IFT88: variants seen among roughly 807,000 people sequenced by gnomAD.
IFT88 encodes intraflagellar transport 88.
In IFT88, 74 loss-of-function variants were observed where a neutral mutation model predicts 119.5. That is an observed-to-expected ratio of 0.62 (90% CI 0.51 to 0.75). The LOEUF (loss-of-function observed/expected upper bound fraction) is 0.75. Among genes scored for constraint, IFT88 ranks in the 30% least tolerant of loss-of-function variants. IFT88 has a pLI of 0.00. For missense variants in IFT88, 961 were observed against 977.7 expected (o/e 0.98, Z 0.23); for synonymous variants, 279 against 316.7 (o/e 0.88, Z 1.26).
At chr13:20,607,304 A>G (rs2139341050) in intron 13 of IFT88, 1 of 456,994 alleles carries the variant, frequency 2.2e-6, no homozygotes, top group Admixed American at 2.7e-5. Context: ...CACCTTCGGC[A>G]AGTACTTCGC....
chr13:20,667,972 A>G (rs967879562), intron 23 of IFT88, among the ~76,000 whole-genome samples: 1 of 151,984 alleles, frequency 6.6e-6, no homozygotes, highest in African/African-American at 2.4e-5. Context: ...CCTCACTAAG[A>G]TTAGTCACTT....
chr13:20,620,715 G>A (rs1174080031), intron 14 of IFT88, among the ~76,000 whole-genome samples: 2 of 151,994 alleles, frequency 1.3e-5, no homozygotes, highest in Non-Finnish European at 1.5e-5. Flanking sequence ...ACAGGCGCCT[G>A]CCACCACGCC....
At chr13:20,652,905 T>G (rs985226607) in intron 20 of IFT88, among the ~76,000 whole-genome samples, 13 of 152,194 alleles carry the variant, frequency 8.5e-5, no homozygotes, top group African/African-American at 3.1e-4. Flanking sequence ...GTCTAGCAAA[T>G]GCAGGGGATA....
At chr13:20,627,922 A>G (rs2047610155) in intron 15 of IFT88, among the ~76,000 whole-genome samples, 1 of 152,100 alleles carries the variant, frequency 6.6e-6, no homozygotes, top group Non-Finnish European at 1.5e-5. Flanking sequence ...TCAAGTTTTT[A>G]ATATCAATTG....
In IFT88 at chr13:20,597,177, T is replaced by C. The variant is rs1453371208; in HGVS notation, c.594+58T>C. 4.8e-6 allele frequency: 4 copies of C among 826,168 alleles called. No homozygotes were observed. The East Asian group carries it at 1.1e-4, about 23-fold the overall frequency. 51.2% of individuals were successfully genotyped at this position (826,168 alleles called of 1,614,324 possible). ...AAAATTTTGACTAGGGTTAATGGGT[T>C]CCAGAGTCTTTTTTCTTTTATTTTT... is the stretch of plus-strand genomic sequence containing the variant. On this transcript the variant is annotated intron_variant, in intron 9 of 25. Coordinates refer to ENST00000351808, the MANE Select transcript of IFT88 (RefSeq NM_006531.5).
At chr13:20,688,569 ATAAACT>A (rs2058187352) in intron 24 of IFT88, among the ~76,000 whole-genome samples, 1 of 152,236 alleles carries the variant, frequency 6.6e-6, no homozygotes, top group African/African-American at 2.4e-5. Context: ...CCTACAAGAA[ATAAACT>A]TAAATCCTCC....
At chr13:20,688,626 A>G (rs2058190375) in intron 24 of IFT88, among the ~76,000 whole-genome samples, 1 of 152,220 alleles carries the variant, frequency 6.6e-6, no homozygotes, top group South Asian at 2.1e-4. Flanking sequence ...ATAAGAACCT[A>G]CAGTTAAGAA....
At chr13:20,607,817 C>A (rs934489829) in intron 13 of IFT88, 2 of 737,858 alleles carry the variant, frequency 2.7e-6, no homozygotes, top group Non-Finnish European at 5.1e-6. Context: ...GTTGTCAATG[C>A]CACCAAGAGA....
intron 20 of IFT88, 53 bp from the exon 21 acceptor site, chr13:20,653,823 G>T: frequency 1.0e-6 from 1 of 977,864 alleles, no homozygotes; most frequent in South Asian, 1.7e-5. Flanking sequence ...TTATAAAACT[G>T]AGCATCACAG....
intron 13 of IFT88, chr13:20,607,272 A>G (rs915788124): frequency 7.1e-6 from 3 of 424,146 alleles, no homozygotes; most frequent in Non-Finnish European, 1.4e-5. Context: ...CAGCACTTCT[A>G]CCCGTACTGC....
chr13:20,630,720 A>G (rs577203714), intron 15 of IFT88, among the ~76,000 whole-genome samples: 1 of 152,102 alleles, frequency 6.6e-6, no homozygotes, highest in Non-Finnish European at 1.5e-5. Context: ...ATTATTTACT[A>G]CTGACCTTTC....
chr13:20,575,318 A>G (rs1264355779), intron 2 of IFT88, among the ~76,000 whole-genome samples: 1 of 152,076 alleles, frequency 6.6e-6, no homozygotes, highest in Non-Finnish European at 1.5e-5. Flanking sequence ...CTAGTTTTCC[A>G]TTGTATATAT....
intron 9 of IFT88, among the ~76,000 whole-genome samples, chr13:20,598,006 G>A (rs1464081543): frequency 6.6e-6 from 1 of 151,946 alleles, no homozygotes; most frequent in Non-Finnish European, 1.5e-5. Context: ...ATTCTGAAAA[G>A]ACACCTCCAT....
At chr13:20,666,545 G>A (rs1293551096) in intron 23 of IFT88, among the ~76,000 whole-genome samples, 2 of 152,172 alleles carry the variant, frequency 1.3e-5, no homozygotes, top group Non-Finnish European at 2.9e-5. Flanking sequence ...TATGGTCACA[G>A]ATTCATAATA....
intron 9 of IFT88, 152 bp downstream of exon 9, chr13:20,597,271 G>A (rs1350205630): frequency 1.8e-5 from 9 of 503,524 alleles, no homozygotes; most frequent in Non-Finnish European, 2.5e-5. Context: ...AAACACTCTT[G>A]TCTTTGTTTT....
At chr13:20,665,139 A>T (rs112363264) in intron 23 of IFT88, among the ~76,000 whole-genome samples, 4,737 of 152,250 alleles carry the variant, frequency 0.031, 251 homozygotes, top group African/African-American at 0.11. Context: ...ATAAAAATAT[A>T]TTCAATTTTT....
chr13:20,598,635 A>G lies in IFT88; in HGVS notation c.595-16A>G. 3 of 1,545,016 alleles carry G rather than the reference A, an allele frequency of 1.9e-6. No individual in the cohort carries two copies. The highest frequency in any genetic ancestry group is 2.7e-6 in the Non-Finnish European group (3 of 1,119,056). ...AGTGGTCTTATGTGTCTTTTCTATA[A>G]TATTTTCTTCCTTAGGTTCTTTTCA... is the stretch of plus-strand genomic sequence containing the variant. On this transcript the variant is annotated splice_polypyrimidine_tract_variant and intron_variant, in intron 9 of 25. Coordinates refer to ENST00000351808, the MANE Select transcript of IFT88 (RefSeq NM_006531.5).
At chr13:20,587,403 G>A (rs937366043) in intron 3 of IFT88, among the ~76,000 whole-genome samples, 9 of 151,962 alleles carry the variant, frequency 5.9e-5, no homozygotes, top group African/African-American at 1.7e-4. Flanking sequence ...GACTACAGGC[G>A]TGAGCCACCA....
chr13:20,631,210 G>A, intron 16 of IFT88, 108 bp downstream of exon 16: 1 of 757,560 alleles, frequency 1.3e-6, no homozygotes, highest in Non-Finnish European at 2.3e-6. Flanking sequence ...GGTGGAGAAT[G>A]GTAAGTGGAC....
Sources: allele counts gnomAD v4.1 joint callset (sites outside exome capture counted in the v4.1 genomes callset), GRCh38; gene constraint gnomAD v4.1.1; transcripts MANE v1.5; gene names NCBI Gene and HGNC (gene_info 2026-07-23, HGNC 2026-07-21).